Variants in CLHC1 observed in about 807,000 individuals in gnomAD.
CLHC1 encodes the protein clathrin heavy chain linker domain containing 1, also known as clathrin heavy chain linker domain-containing protein 1.
In CLHC1, 72 loss-of-function variants were observed where a neutral mutation model predicts 69.5. The observed-to-expected ratio is 1.04, with a 90% CI of 0.86 to 1.26. The LOEUF (loss-of-function observed/expected upper bound fraction) is 1.26. CLHC1 is among the 50% of genes most tolerant of loss of function. CLHC1 has a pLI of 0.00. For synonymous variants in CLHC1, 223 were observed against 224.3 expected, an observed-to-expected ratio of 0.99 and a Z score of 0.05; for missense variants, 790 against 679.3, an observed-to-expected ratio of 1.16 and a Z score of -1.81.
chr2:55,173,726 T>C lies in CLHC1; in HGVS notation c.*2064A>G, dbSNP rs189753050. ...TCCTCATTTAACTTTGTAATCTTGCTCTTCCTCCCAACTCCATTTTCCATC... is the reference window on the plus strand; with the variant it reads ...TCCTCATTTAACTTTGTAATCTTGCCCTTCCTCCCAACTCCATTTTCCATC... On this transcript the variant is annotated 3_prime_UTR_variant, in exon 13 of 13. Transcript: ENST00000401408. 4.3e-3 allele frequency among the ~76,000 whole-genome samples: 656 copies of C among 152,326 alleles called. 4 individuals carry two copies. Among genetic ancestry groups the C allele is most frequent in the Non-Finnish European group, 4.9e-3 (333 of 68,024 alleles).
chr2:55,216,176 A>G (rs1449795757), intron 4 of CLHC1: 2 of 151,272 alleles, frequency 1.3e-5, no homozygotes, highest in Admixed American at 6.6e-5. Context: ...AATCCCAGCT[A>G]CTTGGGATGT....
intron 8 of CLHC1, among the ~76,000 whole-genome samples, chr2:55,208,391 C>T (rs1402704317): frequency 1.3e-5 from 2 of 152,094 alleles, no homozygotes; most frequent in Non-Finnish European, 2.9e-5. Context: ...TGATCTATCA[C>T]AAAACAGAGG....
At chr2:55,227,389 G>A (rs1674805938) in intron 2 of CLHC1, among the ~76,000 whole-genome samples, 2 of 151,874 alleles carry the variant, frequency 1.3e-5, no homozygotes, top group South Asian at 4.1e-4. Context: ...ATTTCAAATA[G>A]TAAAAGATAA....
At chr2:55,184,486 G>C (rs1165023187) in intron 9 of CLHC1, among the ~76,000 whole-genome samples, 1 of 152,136 alleles carries the variant, frequency 6.6e-6, no homozygotes, top group Non-Finnish European at 1.5e-5. Context: ...CAAGTGTATA[G>C]TAAAGATAAC....
intron 9 of CLHC1, among the ~76,000 whole-genome samples, chr2:55,192,506 G>C (rs1353002950): frequency 6.6e-6 from 1 of 152,084 alleles, no homozygotes; most frequent in South Asian, 2.1e-4. Flanking sequence ...TTAAAAGTTA[G>C]AGGACTGAAG....
chr2:55,209,384 T>G lies in CLHC1; in HGVS notation c.814+20A>C, dbSNP rs1369359851. On this transcript the variant is annotated intron_variant, in intron 7 of 12. Coordinates refer to ENST00000401408, the MANE Select transcript of CLHC1 (RefSeq NM_152385.4). The stretch of plus-strand genomic sequence containing the variant: ...ATGTCTTCCATTATTGGTACTAATT[T>G]AAAAATATAGATAATCTACCTTGTA... 6.8e-7 allele frequency: 1 copy of G among 1,477,902 alleles called. No homozygotes were observed. Among genetic ancestry groups the G allele is most frequent in the East Asian group, 2.3e-5 (1 of 44,194 alleles). 91.5% of individuals were successfully genotyped at this position (1,477,902 alleles called of 1,614,324 possible).
intron 8 of CLHC1, among the ~76,000 whole-genome samples, chr2:55,207,703 C>G (rs1672582766): frequency 6.6e-6 from 1 of 151,980 alleles, no homozygotes; most frequent in Non-Finnish European, 1.5e-5. Flanking sequence ...TGTTAAACAC[C>G]AGGGGAGCAA....
intron 5 of CLHC1, among the ~76,000 whole-genome samples, chr2:55,210,490 C>A (rs1324216917): frequency 6.6e-6 from 1 of 152,092 alleles, no homozygotes; most frequent in African/African-American, 2.4e-5. Context: ...GCCACCACAC[C>A]CAGCCTCAGG....
In CLHC1 at chr2:55,222,252, G is replaced by T. The variant is rs149934154; in HGVS notation, c.160C>A (p.Arg54=). ...GPADEYYIIY[R]NVFDKVIEHI... The stretch of plus-strand genomic sequence containing the variant: ...TATGATACCTTATCAAAAACATTTC[G>T]GTATATGATGTAATATTCATCAGCA... The change falls in exon 3 of 13, where the codon CGA becomes AGA. Residue 54 remains arginine (R), a synonymous_variant. Coordinates refer to ENST00000401408, the MANE Select transcript of CLHC1 (RefSeq NM_152385.4). 1.1e-5 allele frequency: 17 copies of T among 1,611,570 alleles called. No individual in the cohort carries two copies. Among genetic ancestry groups the T allele is most frequent in the African/African-American group, 1.3e-5 (1 of 74,820 alleles).
intron 2 of CLHC1, chr2:55,225,980 C>G (rs1176370479): frequency 6.6e-6 from 1 of 152,142 alleles, no homozygotes; most frequent in Non-Finnish European, 1.5e-5. Context: ...TTCACGAGGT[C>G]AGGAGATCGA....
chr2:55,219,933 G>C (rs965171153), intron 3 of CLHC1, among the ~76,000 whole-genome samples: 3 of 152,104 alleles, frequency 2.0e-5, no homozygotes, highest in African/African-American at 7.2e-5. Context: ...ACAGAGTGTT[G>C]CTATGTTGCC....
Position 55,174,653 on chromosome 2 carries a change from C to A in CLHC1, c.*1137G>T, listed in dbSNP as rs1026034781. 1 of 151,836 alleles carries A rather than the reference C, an allele frequency of 6.6e-6. No individual in the cohort carries two copies. Among genetic ancestry groups the A allele is most frequent in the Admixed American group, 6.7e-5 (1 of 15,036 alleles). 9.4% of individuals were successfully genotyped at this position (151,836 alleles called of 1,614,324 possible). ...AATTTTAATATGAAGCTGTCTGACT[C>A]CCCGTTCATCTTCTTTCCACTATAA... On this transcript the variant is annotated 3_prime_UTR_variant, in exon 13 of 13. Transcript: ENST00000401408.
rs183099837 is a variant in CLHC1 at position 55,208,611 on chromosome 2, T to G, written c.899+15A>C. ...AAATATAATTCTGAAAAATTAAAGC[T>G]TTTAAAATATTTGCCTTTCAATGTA... On this transcript the variant is annotated intron_variant, in intron 8 of 12. Transcript: ENST00000401408. The G allele has an allele frequency of 7.2e-6, 11 of 1,525,570 alleles. No individual in the cohort carries two copies. In the East Asian group the frequency reaches 2.5e-4, roughly 34 times the overall value. 94.5% of individuals were successfully genotyped at this position (1,525,570 alleles called of 1,614,324 possible).
At chr2:55,196,503 A>G (rs538132915) in intron 9 of CLHC1, among the ~76,000 whole-genome samples, 2 of 152,364 alleles carry the variant, frequency 1.3e-5, no homozygotes, top group South Asian at 4.1e-4. Context: ...CAGCTCAGCC[A>G]TAATAGCATA....
intron 4 of CLHC1, among the ~76,000 whole-genome samples, chr2:55,213,356 C>A (rs1342577324): frequency 6.6e-6 from 1 of 152,220 alleles, no homozygotes; most frequent in African/African-American, 2.4e-5. Context: ...ATACTGCCTT[C>A]TCCTCTGCCT....
In CLHC1 at chr2:55,228,139, A is replaced by G. The variant is rs530416223; in HGVS notation, c.-190T>C. On this transcript the variant is annotated 5_prime_UTR_variant, in exon 2 of 13. An upstream start codon of the reference 5' UTR is lost. Transcript: ENST00000401408. ...CATAATACTGTGCACTTCCTCCATC[A>G]TGGTATTATCCTTCCACCACACTGC... is the stretch of plus-strand genomic sequence containing the variant. The G allele has an allele frequency of 1.3e-5, 2 of 152,192 alleles. No individual in the cohort carries two copies. The highest frequency in any genetic ancestry group is 2.9e-5 in the Non-Finnish European group (2 of 68,046). 9.4% of individuals were successfully genotyped at this position (152,192 alleles called of 1,614,324 possible). A position where few individuals can be genotyped will look rare whatever the true frequency, so the allele number is the denominator to read the frequency against.
At chr2:55,193,560 T>C (rs559567868) in intron 9 of CLHC1, among the ~76,000 whole-genome samples, 7 of 152,260 alleles carry the variant, frequency 4.6e-5, no homozygotes, top group East Asian at 1.9e-4. Context: ...CTAGTCATTA[T>C]GGACATGTAA....
At position 55,206,322 on chromosome 2, in the gene CLHC1, T is replaced by A. The variant is rs900955279; in HGVS notation, c.954A>T (p.Ala318=). 6.2e-7 allele frequency: 1 copy of A among 1,611,968 alleles called. No homozygotes were observed. Residue 318 remains alanine (A), a synonymous_variant, in exon 9 of 13, where the codon GCA becomes GCT. Transcript: ENST00000401408. ...GEYEKAACYA[A]NSPRRILRNI... is the part of the protein sequence containing the mutation. ...TTCGAAGAATTCTTCTAGGACTGTTTGCTGCATAACAAGCTGCCTTTTCAT... is the reference window on the plus strand; with the variant it reads ...TTCGAAGAATTCTTCTAGGACTGTTAGCTGCATAACAAGCTGCCTTTTCAT...
intron 12 of CLHC1, among the ~76,000 whole-genome samples, chr2:55,177,132 C>A (rs1429148862): frequency 6.6e-6 from 1 of 152,194 alleles, no homozygotes; most frequent in Non-Finnish European, 1.5e-5. Context: ...CTCAGCCCCC[C>A]AAAGTGCTGG....
Sources: gnomAD v4.1 joint callset for allele counts (sites outside exome capture counted in the v4.1 genomes callset) on GRCh38, gnomAD v4.1.1 for gene constraint, MANE v1.5 for transcripts, NCBI Gene and HGNC (gene_info 2026-07-23, HGNC 2026-07-21) for gene names.